Variants in CPED1 observed in about 807,000 individuals in gnomAD.
The protein encoded by CPED1 is cadherin-like and PC-esterase domain-containing protein 1.
In CPED1, 114 loss-of-function variants were observed where a neutral mutation model predicts 128.2. The ratio of observed to expected loss-of-function variants is 0.89; its 90% CI spans 0.76 to 1.04. The LOEUF (loss-of-function observed/expected upper bound fraction) is 1.04, where lower values mean the gene tolerates loss of function less well. CPED1 is among the 50% of genes least tolerant of loss of function. The pLI is 0.00. For synonymous variants in CPED1, 462 were observed against 426.7 expected (o/e 1.08, Z -1.02); for missense variants, 1,211 against 1,207.1 (o/e 1.00, Z -0.05).
chr7:121,006,045 A>G (rs940532512), intron 2 of CPED1, among the ~76,000 whole-genome samples: 2 of 152,178 alleles, frequency 1.3e-5, no homozygotes, highest in East Asian at 1.9e-4. Flanking sequence ...AGTCTCTGGC[A>G]TCTGTGAAAA....
chr7:120,996,622 G>T (rs564962607), intron 2 of CPED1, among the ~76,000 whole-genome samples: 11 of 152,220 alleles, frequency 7.2e-5, no homozygotes, highest in African/African-American at 2.4e-4. Flanking sequence ...TGTGCATTTA[G>T]CCCTTTATTA....
chr7:121,227,659 T>G (rs1479508776), intron 16 of CPED1, among the ~76,000 whole-genome samples: 1 of 152,080 alleles, frequency 6.6e-6, no homozygotes, highest in African/African-American at 2.4e-5. Context: ...GAACCTCCAT[T>G]TAAAACCTAC....
chr7:121,056,271 A>G (rs1432914998), intron 4 of CPED1, among the ~76,000 whole-genome samples: 2 of 152,176 alleles, frequency 1.3e-5, no homozygotes, highest in Non-Finnish European at 2.9e-5. Context: ...TAAATATTCT[A>G]TCATACATGT....
intron 18 of CPED1, chr7:121,262,058 A>T (rs1441937099): frequency 1.8e-5 from 5 of 285,036 alleles, no homozygotes; most frequent in African/African-American, 1.2e-4. Context: ...CCCCACAGTA[A>T]TTACTCACAG....
chr7:121,028,990 A>T (rs1420061000), intron 3 of CPED1, among the ~76,000 whole-genome samples: 1 of 152,118 alleles, frequency 6.6e-6, no homozygotes, highest in Non-Finnish European at 1.5e-5. Flanking sequence ...TAGCTTTATT[A>T]TTATCAGAAA....
intron 18 of CPED1, among the ~76,000 whole-genome samples, chr7:121,255,779 A>G (rs562911677): frequency 1.3e-5 from 2 of 152,086 alleles, no homozygotes; most frequent in Admixed American, 6.6e-5. Flanking sequence ...CCAGGCTGAG[A>G]GTCAAATCAA....
intron 22 of CPED1, among the ~76,000 whole-genome samples, chr7:121,276,306 G>A (rs1792327800): frequency 6.6e-6 from 1 of 151,982 alleles, no homozygotes; most frequent in South Asian, 2.1e-4. Flanking sequence ...TCTTTCTCCA[G>A]CCCTTTCACG....
chr7:121,115,504 A>G (rs1433809918), intron 7 of CPED1, among the ~76,000 whole-genome samples: 1 of 152,186 alleles, frequency 6.6e-6, no homozygotes, highest in African/African-American at 2.4e-5. Flanking sequence ...GAAACTTAAT[A>G]AGACCTAAAA....
At chr7:121,242,356 T>TAACAGGG (rs1798416856) in intron 17 of CPED1, among the ~76,000 whole-genome samples, 1 of 152,234 alleles carries the variant, frequency 6.6e-6, no homozygotes, top group Non-Finnish European at 1.5e-5. Context: ...AAGGAGATGA[T>TAACAGGG]AACAGGGTTG....
At position 121,295,559 on chromosome 7, in the gene CPED1, T is replaced by C. The variant is rs1219640157; in HGVS notation, c.2988T>C (p.Asn996=). 4 of 1,614,092 alleles carry C rather than the reference T, an allele frequency of 2.5e-6. No homozygotes were observed. In the African/African-American group the frequency reaches 4.0e-5, roughly 16 times the overall value. The change falls in exon 23 of 23, where the codon AAT becomes AAC. Residue 996 remains asparagine, a synonymous_variant. Transcript: ENST00000310396. ...QSKLQQGTVT[N]FRSPYHVRGP... is the part of the protein sequence containing the mutation. ...AACTACAACAAGGCACTGTAACAAA[T>C]TTTCGATCGCCATATCATGTCAGAG...
chr7:121,188,133 T>A (rs1797046534), intron 16 of CPED1, among the ~76,000 whole-genome samples: 1 of 152,174 alleles, frequency 6.6e-6, no homozygotes, highest in South Asian at 2.1e-4. Flanking sequence ...ATCGAAGCAT[T>A]TATAGGTGAA....
intron 22 of CPED1, among the ~76,000 whole-genome samples, chr7:121,290,149 A>G (rs1308371260): frequency 1.3e-5 from 2 of 152,116 alleles, no homozygotes; most frequent in Non-Finnish European, 2.9e-5. Context: ...ATCCTTTTTT[A>G]TGGCTGCATA....
At chr7:121,134,867 A>G (rs1008134743) in intron 13 of CPED1, among the ~76,000 whole-genome samples, 6 of 152,156 alleles carry the variant, frequency 3.9e-5, no homozygotes, top group African/African-American at 1.4e-4. Context: ...ATTTTTATAG[A>G]TCAGAAATTT....
chr7:121,283,490 C>G (rs1282026736), intron 22 of CPED1, among the ~76,000 whole-genome samples: 1 of 152,220 alleles, frequency 6.6e-6, no homozygotes, highest in East Asian at 1.9e-4. Context: ...CATTCCAGCT[C>G]CTGTGCTAAG....
At position 121,294,220 on chromosome 7, in the gene CPED1, G is replaced by GTA. The variant is rs201290927; in HGVS notation, c.2869-1210_2869-1209dup. 3.4e-3 allele frequency among the ~76,000 whole-genome samples: 511 copies of GTA among 152,096 alleles called. 5 individuals carry two copies. Among genetic ancestry groups the GTA allele is most frequent in the African/African-American group, 0.012 (485 of 41,480 alleles). On this transcript the variant is annotated intron_variant, in intron 22 of 22. Transcript: ENST00000310396. ...GTAGCCTCTTTGTTTGGATGTGTCT[G>GTA]TATATATATATTCATAAAGTAACCA...
At chr7:121,170,505 A>G (rs1212887085) in intron 16 of CPED1, among the ~76,000 whole-genome samples, 1 of 152,138 alleles carries the variant, frequency 6.6e-6, no homozygotes, top group African/African-American at 2.4e-5. Context: ...TAGACAGAAA[A>G]TGCTTAACAC....
At chr7:121,097,187 T>C (rs945240779) in intron 5 of CPED1, among the ~76,000 whole-genome samples, 2 of 152,196 alleles carry the variant, frequency 1.3e-5, no homozygotes, top group African/African-American at 4.8e-5. Context: ...TATTTTTATA[T>C]ACCTTAAAAT....
chr7:121,244,246 T>C lies in CPED1; in HGVS notation c.2218T>C (p.Cys740Arg), dbSNP rs1428083964. 5.0e-6 allele frequency: 8 copies of C among 1,614,016 alleles called. No homozygotes were observed. The highest frequency in any genetic ancestry group is 2.7e-5 in the African/African-American group (2 of 74,922). Reference protein sequence around the residue: ...PCLSCSDNRTCDWREITWQPH... With the variant: ...PCLSCSDNRTRDWREITWQPH... ...CCTTAGTTGTTCGGACAACAGGACG[T>C]GTGACTGGAGAGAAATAACCTGGCA... Residue 740 changes from cysteine (C) to arginine (R), a missense_variant, in exon 18 of 23, where the codon TGT becomes CGT. Transcript: ENST00000310396.
intron 16 of CPED1, among the ~76,000 whole-genome samples, chr7:121,161,543 A>G (rs1469138084): frequency 2.6e-5 from 4 of 152,216 alleles, no homozygotes; most frequent in Non-Finnish European, 4.4e-5. Context: ...ATTTAATTAC[A>G]TGTGCAAAAT....
Sources: allele counts gnomAD v4.1 joint callset (sites outside exome capture counted in the v4.1 genomes callset), GRCh38; gene constraint gnomAD v4.1.1; transcripts MANE v1.5; gene names NCBI Gene and HGNC (gene_info 2026-07-23, HGNC 2026-07-21).